PRKCH: variants seen among roughly 807,000 people sequenced by gnomAD.
The protein encoded by PRKCH is protein kinase C eta.
A neutral mutation model predicts 82.5 loss-of-function variants in PRKCH; 28 were observed. That is an observed-to-expected ratio of 0.34 (90% confidence interval 0.25 to 0.47). The LOEUF (loss-of-function observed/expected upper bound fraction) is 0.47. Ranked by LOEUF, PRKCH falls within the 20% of genes least tolerant of loss-of-function variation. PRKCH has a pLI of 1.00. For synonymous variants in PRKCH, 322 were observed against 327.4 expected, an observed-to-expected ratio of 0.98 and a Z score of 0.18; for missense variants, 705 against 881.8, an observed-to-expected ratio of 0.80 and a Z score of 2.54.
intron 1 of PRKCH, among the ~76,000 whole-genome samples, chr14:61,328,256 CAAAAAAAAAAAAA>C (rs71117811): frequency 1.3e-5 from 1 of 74,380 alleles, no homozygotes; most frequent in African/African-American, 6.1e-5. Context: ...GACTCCGTCT[CAAAAAAAAAAAAA>C]AAAAAAAAAA....
intron 1 of PRKCH, among the ~76,000 whole-genome samples, chr14:61,237,476 G>A (rs2044800226): frequency 1.3e-5 from 2 of 152,134 alleles, no homozygotes; most frequent in Admixed American, 1.3e-4. Flanking sequence ...CTAAGAGTCT[G>A]ACAGCTTTTT....
At chr14:61,408,963 T>C (rs373360345) in intron 2 of PRKCH, among the ~76,000 whole-genome samples, 2 of 152,056 alleles carry the variant, frequency 1.3e-5, no homozygotes, top group East Asian at 3.9e-4. Flanking sequence ...GTCGGGAAGG[T>C]GTAGGAGGGA....
chr14:61,432,373 C>T (rs977500832), intron 2 of PRKCH, among the ~76,000 whole-genome samples: 1 of 152,188 alleles, frequency 6.6e-6, no homozygotes, highest in African/African-American at 2.4e-5. Context: ...TTCCCTCGAA[C>T]ATTTCCCTCC....
intron 12 of PRKCH, chr14:61,545,120 C>CT (rs56368565): frequency 2.6e-5 from 4 of 152,310 alleles, no homozygotes; most frequent in Non-Finnish European, 5.9e-5. Context: ...CGGCTGCCCC[C>CT]GCAGTTCCTC....
intron 1 of PRKCH, among the ~76,000 whole-genome samples, chr14:61,261,589 A>G (rs981026281): frequency 6.6e-6 from 1 of 152,200 alleles, no homozygotes; most frequent in Admixed American, 6.5e-5. Context: ...CAGCAGGGGA[A>G]GGCTCTCTTG....
intron 10 of PRKCH, among the ~76,000 whole-genome samples, chr14:61,520,942 C>T (rs2042896973): frequency 1.3e-5 from 2 of 152,110 alleles, no homozygotes; most frequent in African/African-American, 4.8e-5. Context: ...TTCATTACTC[C>T]ATTGTTTGAA....
intron 2 of PRKCH, among the ~76,000 whole-genome samples, chr14:61,420,516 C>T (rs1176346143): frequency 3.3e-5 from 5 of 152,156 alleles, no homozygotes; most frequent in East Asian, 1.9e-4. Context: ...TCTGTCTCCC[C>T]GGCAGACTCA....
At chr14:61,242,041 T>C (rs78173481) in intron 1 of PRKCH, among the ~76,000 whole-genome samples, 7,145 of 152,304 alleles carry the variant, frequency 0.047, 237 homozygotes, top group Middle Eastern at 0.095. Flanking sequence ...AAATCCCATA[T>C]AATATGAATT....
intron 1 of PRKCH, among the ~76,000 whole-genome samples, chr14:61,345,868 GTC>G (rs3837627): frequency 0.68 from 99,429 of 147,074 alleles, 34,495 homozygotes; most frequent in Non-Finnish European, 0.78. Flanking sequence ...GCAAGACCCT[GTC>G]TCTCTTTTTT....
intron 12 of PRKCH, among the ~76,000 whole-genome samples, chr14:61,533,294 TAAAA>T (rs35130617): frequency 7.0e-6 from 1 of 143,704 alleles, no homozygotes; most frequent in Non-Finnish European, 1.5e-5. Flanking sequence ...ATAAAATTAC[TAAAA>T]AAAAAAAAAT....
Position 61,540,647 on chromosome 14 carries a change from A to C in PRKCH, c.1762-7096A>C, listed in dbSNP as rs531982904. On this transcript the variant is annotated intron_variant, in intron 12 of 13. Transcript: ENST00000332981. ...GTATGCAGCATACATATATGGTAGTAATGGCTACCACTTCTTAAGCTGTAA... is the reference window on the plus strand; with the variant it reads ...GTATGCAGCATACATATATGGTAGTCATGGCTACCACTTCTTAAGCTGTAA... 3.3e-5 allele frequency among the ~76,000 whole-genome samples: 5 copies of C among 152,350 alleles called. No individual in the cohort carries two copies. In the East Asian group the frequency reaches 9.6e-4, roughly 29 times the overall value.
intron 2 of PRKCH, among the ~76,000 whole-genome samples, chr14:61,397,863 A>T (rs1168283981): frequency 6.6e-6 from 1 of 152,232 alleles, no homozygotes; most frequent in Non-Finnish European, 1.5e-5. Context: ...TAAAAAGAAC[A>T]GATGAACCTA....
At chr14:61,353,509 G>A (rs903323996) in intron 1 of PRKCH, 3 of 152,136 alleles carry the variant, frequency 2.0e-5, no homozygotes, top group African/African-American at 4.8e-5. Context: ...TGGGAAAAAC[G>A]AAAAGGAATA....
chr14:61,247,753 A>AAG (rs1555371275), intron 1 of PRKCH, among the ~76,000 whole-genome samples: 1 of 150,494 alleles, frequency 6.6e-6, no homozygotes, highest in African/African-American at 2.4e-5. Flanking sequence ...AAAAAAAAAA[A>AAG]AAAAAGAAAG....
At chr14:61,435,189 G>A (rs923447546) in intron 2 of PRKCH, among the ~76,000 whole-genome samples, 3 of 152,122 alleles carry the variant, frequency 2.0e-5, no homozygotes, top group African/African-American at 2.4e-5. Flanking sequence ...TACGCTTATC[G>A]TTGGTTTCCT....
intron 1 of PRKCH, among the ~76,000 whole-genome samples, chr14:61,191,500 C>G (rs934944161): frequency 2.0e-5 from 3 of 152,106 alleles, no homozygotes; most frequent in African/African-American, 7.2e-5. Context: ...TGGCAAAACC[C>G]CATCTCTACT....
chr14:61,336,887 G>A (rs1478263233), intron 1 of PRKCH, among the ~76,000 whole-genome samples: 2 of 151,936 alleles, frequency 1.3e-5, no homozygotes, highest in African/African-American at 2.4e-5. Context: ...TAGCCAGCAT[G>A]GTGAAACTCT....
intron 10 of PRKCH, among the ~76,000 whole-genome samples, chr14:61,493,365 A>G (rs936461091): frequency 1.3e-5 from 2 of 152,322 alleles, no homozygotes; most frequent in African/African-American, 2.4e-5. Flanking sequence ...CTCTATTCCA[A>G]TTCCATGTAG....
rs1884378386 is a variant in PRKCH, at chr14:61,449,344, C to T, written c.702+92C>T. 8.3e-6 allele frequency: 9 copies of T among 1,086,690 alleles called. 1 individual carries two copies. Among genetic ancestry groups the T allele is most frequent in the African/African-American group, 7.9e-5 (5 of 63,670 alleles). The allele number at this position is 1,086,690 out of a possible 1,614,324, so 67.3% of individuals were successfully genotyped here. ...TCTCCCTCCCTCCCTCCTTTCCTCC[C>T]CCTCTTTTCCTTCTCCCCGTCCCCA... On this transcript the variant is annotated intron_variant, in intron 5 of 13. Transcript: ENST00000332981.
Sources: gnomAD v4.1 joint callset for allele counts (sites outside exome capture counted in the v4.1 genomes callset) on GRCh38, gnomAD v4.1.1 for gene constraint, MANE v1.5 for transcripts, NCBI Gene and HGNC (gene_info 2026-07-23, HGNC 2026-07-21) for gene names.